Variants in ATXN10 observed in about 807,000 individuals in gnomAD.
The protein encoded by ATXN10 is ataxin-10.
A neutral mutation model predicts 52.9 loss-of-function variants in ATXN10; 28 were observed. The observed-to-expected ratio is 0.53, with a 90% CI of 0.39 to 0.73. ATXN10 has a LOEUF of 0.73. Ranked by LOEUF, ATXN10 falls within the 30% of genes least tolerant of loss-of-function variation. The pLI is 0.00. For synonymous variants in ATXN10, 226 were observed against 221.5 expected, an observed-to-expected ratio of 1.02 and a Z score of -0.18; for missense variants, 565 against 577.0, an observed-to-expected ratio of 0.98 and a Z score of 0.21.
chr22:45,740,752 GTGTA>G lies in ATXN10; in HGVS notation c.1173+216_1173+219del, dbSNP rs1569044598. ...TACACACACACACGTGTGTGTGTGTGTGTATATATATATATGTATATGTTAATAT... is the reference window on the plus strand; with the variant it reads ...TACACACACACACGTGTGTGTGTGTGTATATATATATGTATATGTTAATAT... On this transcript the variant is annotated intron_variant, in intron 9 of 11. Coordinates refer to ENST00000252934, the MANE Select transcript of ATXN10 (RefSeq NM_013236.4). 2.1e-5 allele frequency: 7 copies of G among 328,360 alleles called. No homozygotes were observed. In the South Asian group the frequency reaches 2.4e-4, roughly 11 times the overall value. 20.3% of individuals were successfully genotyped at this position (328,360 alleles called of 1,614,324 possible).
intron 7 of ATXN10, among the ~76,000 whole-genome samples, chr22:45,735,460 C>T (rs1179610825): frequency 6.6e-6 from 1 of 151,610 alleles, no homozygotes; most frequent in Admixed American, 6.6e-5. Context: ...TTACTGGTTC[C>T]CTCCAAACAA....
In ATXN10 at chr22:45,712,803, A is replaced by G. The variant is rs930326389; in HGVS notation, c.648-5610A>G. 4.6e-5 allele frequency among the ~76,000 whole-genome samples: 7 copies of G among 152,136 alleles called. No homozygotes were observed. The highest frequency in any genetic ancestry group is 1.2e-4 in the African/African-American group (5 of 41,442). ...TCACGTTTAACCCGTTGGAAATGTT[A>G]TTTAACTCTTTTAACAGGAGAAGGG... On this transcript the variant is annotated intron_variant, in intron 5 of 11. Transcript: ENST00000252934. This position sits in a 1 kb window ranked among gnomAD's most constrained non-coding sequence, Gnocchi z 4.6.
chr22:45,722,404 G>C (rs537151875), intron 6 of ATXN10, among the ~76,000 whole-genome samples: 58 of 152,196 alleles, frequency 3.8e-4, no homozygotes, highest in Non-Finnish European at 7.8e-4. Context: ...ATGACTTAAT[G>C]TAAGTAGGAT....
At chr22:45,809,885 C>G (rs764319032) in intron 10 of ATXN10, among the ~76,000 whole-genome samples, 5 of 152,048 alleles carry the variant, frequency 3.3e-5, no homozygotes, top group Non-Finnish European at 5.9e-5. Flanking sequence ...TTGTCATTTT[C>G]TTTATAGTTT....
chr22:45,718,920 C>T lies in ATXN10; in HGVS notation c.728+427C>T, dbSNP rs886504167. 4.6e-5 allele frequency among the ~76,000 whole-genome samples: 7 copies of T among 152,224 alleles called. No individual in the cohort carries two copies. Among genetic ancestry groups the T allele is most frequent in the Non-Finnish European group, 7.4e-5 (5 of 68,008 alleles). ...TTTGGACTAAAATAAAATTGACGCC[C>T]GTCCACAATGTCACAGTTACTGTAG... On this transcript the variant is annotated intron_variant, in intron 6 of 11. Coordinates refer to ENST00000252934, the MANE Select transcript of ATXN10 (RefSeq NM_013236.4). This position sits in a 1 kb window ranked among gnomAD's most constrained non-coding sequence, Gnocchi z 4.4.
At position 45,681,376 on chromosome 22, in the gene ATXN10, C is replaced by T. The variant is rs147823817; in HGVS notation, c.117-8336C>T. On this transcript the variant is annotated intron_variant, in intron 1 of 11. Transcript: ENST00000252934. The surrounding 1 kb of genome is among the most constrained non-coding windows in gnomAD (Gnocchi z 4.2). ...TCTCGAGTCCCAATCCCTGTTTTATCTTCTCTTTAGGGCCCTTGCTTCATC... is the reference window on the plus strand; with the variant it reads ...TCTCGAGTCCCAATCCCTGTTTTATTTTCTCTTTAGGGCCCTTGCTTCATC... Among the ~76,000 whole-genome samples the T allele has an allele frequency of 4.0e-3, 611 of 152,216 alleles. 3 individuals are homozygous for T. Among genetic ancestry groups the T allele is most frequent in the African/African-American group, 0.014 (591 of 41,518 alleles).
At chr22:45,796,632 G>C (rs1927749041) in intron 9 of ATXN10, among the ~76,000 whole-genome samples, 1 of 152,110 alleles carries the variant, frequency 6.6e-6, no homozygotes, top group Non-Finnish European at 1.5e-5. Context: ...CGACACTTAA[G>C]GAAAATAGAA....
At chr22:45,695,481 A>G (rs188973864) in intron 3 of ATXN10, among the ~76,000 whole-genome samples, 26 of 144,826 alleles carry the variant, frequency 1.8e-4, no homozygotes, top group African/African-American at 2.2e-4. Context: ...TGCATATAAC[A>G]TGAGGCATAT....
At chr22:45,803,472 C>T (rs962129286) in intron 9 of ATXN10, among the ~76,000 whole-genome samples, 2 of 152,174 alleles carry the variant, frequency 1.3e-5, no homozygotes, top group African/African-American at 2.4e-5. Flanking sequence ...ATATGTTCTT[C>T]TAGCCAAACA....
chr22:45,837,779 G>A lies in ATXN10; in HGVS notation c.1238-5212G>A, dbSNP rs972962342. 3.9e-5 allele frequency among the ~76,000 whole-genome samples: 6 copies of A among 152,192 alleles called. No homozygotes were observed. The highest frequency in any genetic ancestry group is 2.6e-4 in the Admixed American group (4 of 15,282). On this transcript the variant is annotated intron_variant, in intron 10 of 11. Coordinates refer to ENST00000252934, the MANE Select transcript of ATXN10 (RefSeq NM_013236.4). This position sits in a 1 kb window ranked among gnomAD's most constrained non-coding sequence, Gnocchi z 5.8. ...CTGTGTGCCGTAGAACCTTGTTTAC[G>A]GATACGGACATTTGAATTTCAAATT...
rs1439101368 is a variant in ATXN10 at position 45,775,618 on chromosome 22, G to C, written c.1174-31341G>C. On this transcript the variant is annotated intron_variant, in intron 9 of 11. Coordinates refer to ENST00000252934, the MANE Select transcript of ATXN10 (RefSeq NM_013236.4). This position sits in a 1 kb window ranked among gnomAD's most constrained non-coding sequence, Gnocchi z 4.7. ...ACATGGCTTTCGTCAGTGTTAGCCT[G>C]TGTAATGACACTGTTTTTCTCCTTC... Among the ~76,000 whole-genome samples the C allele has an allele frequency of 6.6e-6, 1 of 152,168 alleles. No individual in the cohort carries two copies. Among genetic ancestry groups the C allele is most frequent in the East Asian group, 1.9e-4 (1 of 5,198 alleles).
intron 9 of ATXN10, among the ~76,000 whole-genome samples, chr22:45,785,917 A>G (rs1364621356): frequency 6.6e-6 from 1 of 152,210 alleles, no homozygotes; most frequent in Non-Finnish European, 1.5e-5. Flanking sequence ...ATCTAGCTCT[A>G]AGGTTTCTGG....
Position 45,712,408 on chromosome 22 carries a change from A to G in ATXN10, c.648-6005A>G, listed in dbSNP as rs866728343. ...AGGGAAACATAGTTTAATTTCTTTG[A>G]TTTTTGTTGGAGTTGAATTCTGATA... is the stretch of plus-strand genomic sequence containing the variant. On this transcript the variant is annotated intron_variant, in intron 5 of 11. Coordinates refer to ENST00000252934, the MANE Select transcript of ATXN10 (RefSeq NM_013236.4). The surrounding 1 kb of genome is among the most constrained non-coding windows in gnomAD (Gnocchi z 4.6). Among the ~76,000 whole-genome samples, 4 of 152,172 alleles carry G rather than the reference A, an allele frequency of 2.6e-5. No homozygotes were observed. Among genetic ancestry groups the G allele is most frequent in the Non-Finnish European group, 2.9e-5 (2 of 68,018 alleles).
At chr22:45,806,021 A>G (rs1928087982) in intron 9 of ATXN10, among the ~76,000 whole-genome samples, 2 of 152,202 alleles carry the variant, frequency 1.3e-5, no homozygotes, top group South Asian at 4.1e-4. Context: ...ATAACAAAAT[A>G]AACTATGCTG....
chr22:45,740,803 C>G (rs1260972661), intron 9 of ATXN10: 1 of 201,726 alleles, frequency 5.0e-6, no homozygotes, highest in Admixed American at 5.6e-5. Context: ...GGAGCCTAGA[C>G]AAATTTCTAA....
chr22:45,822,249 ATTG>A (rs1246903392), intron 10 of ATXN10, among the ~76,000 whole-genome samples: 2 of 152,116 alleles, frequency 1.3e-5, no homozygotes, highest in Non-Finnish European at 2.9e-5. Context: ...TATTACAGTT[ATTG>A]TTGTGAGCAT....
rs1357220397 is a variant in ATXN10, at chr22:45,781,633, G to A, written c.1174-25326G>A. On this transcript the variant is annotated intron_variant, in intron 9 of 11. Coordinates refer to ENST00000252934, the MANE Select transcript of ATXN10 (RefSeq NM_013236.4). This position sits in a 1 kb window ranked among gnomAD's most constrained non-coding sequence, Gnocchi z 4.2. ...AAGTGAGCAAAGGCAGTCAACAGAT[G>A]CCAATACCAAGATGATGACATGGAT... Among the ~76,000 whole-genome samples, 1 of 152,196 alleles carries A rather than the reference G, an allele frequency of 6.6e-6. No homozygotes were observed. The highest frequency in any genetic ancestry group is 1.5e-5 in the Non-Finnish European group (1 of 68,032).
chr22:45,686,131 T>C (rs1381630772), intron 1 of ATXN10, among the ~76,000 whole-genome samples: 1 of 152,222 alleles, frequency 6.6e-6, no homozygotes, highest in East Asian at 1.9e-4. Flanking sequence ...TTCCCCTTTC[T>C]GTTGCTGACT....
rs1000520933 is a variant in ATXN10 at position 45,744,510 on chromosome 22, C to T, written c.1173+3972C>T. 3 of 152,224 alleles carry T rather than the reference C, an allele frequency of 2.0e-5. No individual in the cohort carries two copies. Among genetic ancestry groups the T allele is most frequent in the Non-Finnish European group, 2.9e-5 (2 of 68,040 alleles). The allele number at this position is 152,224 out of a possible 1,614,324, so 9.4% of individuals were successfully genotyped here. On this transcript the variant is annotated intron_variant, in intron 9 of 11. Transcript: ENST00000252934. This position sits in a 1 kb window ranked among gnomAD's most constrained non-coding sequence, Gnocchi z 4.9. ...CATTTTCTAAATGAAGAAACCAAGG[C>T]CCCGAGACCAAGTGTGATTTAACTC...
Sources: allele counts gnomAD v4.1 joint callset (sites outside exome capture counted in the v4.1 genomes callset), GRCh38; gene constraint gnomAD v4.1.1; non-coding constraint Gnocchi (gnomAD v3.1); transcripts MANE v1.5; gene names NCBI Gene and HGNC (gene_info 2026-07-23, HGNC 2026-07-21).